MRM1: variants seen among roughly 807,000 people sequenced by gnomAD.
MRM1 encodes the protein mitochondrial rRNA methyltransferase 1.
Under a neutral mutation model 25.0 loss-of-function variants are expected in MRM1, and 24 were observed. That is an observed-to-expected ratio of 0.96 (90% confidence interval 0.69 to 1.35). The LOEUF (loss-of-function observed/expected upper bound fraction) is 1.35, where lower values mean the gene tolerates loss of function less well. Among genes scored for constraint, MRM1 ranks in the 40% most tolerant of loss-of-function variants. The pLI is 0.00. For missense variants in MRM1, 431 were observed against 464.1 expected (o/e 0.93, Z 0.65); for synonymous variants, 188 against 199.2 (o/e 0.94, Z 0.47).
At chr17:36,614,208 G>A in the MRM1 span, among the ~76,000 whole-genome samples, 1 of 152,042 alleles carries the variant, frequency 6.6e-6, no homozygotes, top group Non-Finnish European at 1.5e-5. Context: ...ATTACTGGTG[G>A]GGGCTGCGTA....
chr17:36,618,555 C>G, the MRM1 span, among the ~76,000 whole-genome samples: 1 of 151,964 alleles, frequency 6.6e-6, no homozygotes, highest in Non-Finnish European at 1.5e-5. Flanking sequence ...CTGGTGTGCT[C>G]TAGGCCAGCG....
chr17:36,608,881 C>G lies in MRM1; in HGVS notation c.*466C>G. 6.3e-6 allele frequency: 1 copy of G among 159,800 alleles called. No individual in the cohort carries two copies. The highest frequency in any genetic ancestry group is 1.8e-4 in the East Asian group (1 of 5,436). The allele number at this position is 159,800 out of a possible 1,614,324, so 9.9% of individuals were successfully genotyped here. On this transcript the variant is annotated 3_prime_UTR_variant, in exon 5 of 5. Coordinates refer to ENST00000614766, the MANE Select transcript of MRM1 (RefSeq NM_024864.5). Reference sequence around the variant, plus strand: ...CACGGCCCCGCCCTGGGGCCTTGAGCGCAGGCCTCATCTTTCTGTGCCGCG... The same window carrying G: ...CACGGCCCCGCCCTGGGGCCTTGAGGGCAGGCCTCATCTTTCTGTGCCGCG...
chr17:36,627,178 C>T, the MRM1 span, among the ~76,000 whole-genome samples: 5 of 152,140 alleles, frequency 3.3e-5, no homozygotes, highest in South Asian at 2.1e-4. Flanking sequence ...GGGGCTGGGA[C>T]GGGGAATGCA....
intron 4 of MRM1, 32 bp downstream of exon 4, chr17:36,608,050 C>T: frequency 6.2e-7 from 1 of 1,609,338 alleles, no homozygotes. Flanking sequence ...TTTCCTCTAT[C>T]CCTCTAATCA....
rs1246084959 is a variant in MRM1 at position 36,602,899 on chromosome 17, A to G, written c.636+253A>G. On this transcript the variant is annotated intron_variant, in intron 2 of 4. Transcript: ENST00000614766. This position sits in a 1 kb window ranked among gnomAD's most constrained non-coding sequence, Gnocchi z 4.1. ...TATGCACCACTTTGCCTCTTCTGTAAGTCAGCCTCAGTGTCTATTTGCCTA... is the reference window on the plus strand; with the variant it reads ...TATGCACCACTTTGCCTCTTCTGTAGGTCAGCCTCAGTGTCTATTTGCCTA... 1.0e-6 allele frequency: 1 copy of G among 981,560 alleles called. No homozygotes were observed. The highest frequency in any genetic ancestry group is 1.2e-6 in the Non-Finnish European group (1 of 826,594). 60.8% of individuals were successfully genotyped at this position (981,560 alleles called of 1,614,324 possible).
At chr17:36,625,981 C>T in the MRM1 span, among the ~76,000 whole-genome samples, 2 of 121,078 alleles carry the variant, frequency 1.7e-5, no homozygotes, top group East Asian at 2.1e-4. Flanking sequence ...GTTCCTCCAG[C>T]CATGCCCCCC....
At chr17:36,609,934 C>T (rs1002556998), downstream of MRM1, among the ~76,000 whole-genome samples, 7 of 151,454 alleles carry the variant, frequency 4.6e-5, no homozygotes, top group Middle Eastern at 3.4e-3. Context: ...GCCTATGCTC[C>T]TTTTTTTTTG....
At chr17:36,609,086 G>A (rs2074958056), downstream of MRM1, 1 of 152,288 alleles carries the variant, frequency 6.6e-6, no homozygotes, top group African/African-American at 2.4e-5. Flanking sequence ...GAGAGGCGAC[G>A]GGAAATTAGC....
At chr17:36,613,395 C>T (rs2074988639), downstream of MRM1, among the ~76,000 whole-genome samples, 1 of 152,156 alleles carries the variant, frequency 6.6e-6, no homozygotes, top group South Asian at 2.1e-4. Flanking sequence ...ATCTGCTAAT[C>T]CCTGATTAAT....
chr17:36,626,190 C>T, the MRM1 span, among the ~76,000 whole-genome samples: 4 of 152,312 alleles, frequency 2.6e-5, no homozygotes, highest in Non-Finnish European at 2.9e-5. Context: ...GCATCCTCAC[C>T]GCTGGACTTC....
the MRM1 span, among the ~76,000 whole-genome samples, chr17:36,628,294 T>C: frequency 1.3e-5 from 2 of 152,234 alleles, no homozygotes; most frequent in African/African-American, 4.8e-5. Context: ...GGCCAAAATG[T>C]ATGTTTTGGC....
At chr17:36,617,352 G>A in the MRM1 span, among the ~76,000 whole-genome samples, 4 of 151,638 alleles carry the variant, frequency 2.6e-5, no homozygotes, top group Admixed American at 2.6e-4. Flanking sequence ...TGATGCCCTT[G>A]GCATATGGTA....
chr17:36,628,783 G>A, the MRM1 span, among the ~76,000 whole-genome samples: 1 of 152,152 alleles, frequency 6.6e-6, no homozygotes, highest in African/African-American at 2.4e-5. Context: ...TACAGATGGG[G>A]AAAGTAAGGC....
At chr17:36,603,701 T>TA (rs1196827386) in intron 2 of MRM1, among the ~76,000 whole-genome samples, 1 of 152,202 alleles carries the variant, frequency 6.6e-6, no homozygotes, top group African/African-American at 2.4e-5. Context: ...ACCTGGCCTT[T>TA]AAAAAATATT....
At position 36,608,781 on chromosome 17, in the gene MRM1, A is replaced by C; in HGVS notation, c.*366A>C. 6.1e-6 allele frequency: 1 copy of C among 163,300 alleles called. No individual in the cohort carries two copies. The highest frequency in any genetic ancestry group is 1.3e-5 in the Non-Finnish European group (1 of 77,232). 10.1% of individuals were successfully genotyped at this position (163,300 alleles called of 1,614,324 possible). A position where few individuals can be genotyped will look rare whatever the true frequency, so the allele number is the denominator to read the frequency against. On this transcript the variant is annotated 3_prime_UTR_variant, in exon 5 of 5. Transcript: ENST00000614766. ...TTGAACCAGTCATTGCCTGTGGCAAATGTGTGTATGAGAATGTGGGGGGTG... is the reference window on the plus strand; with the variant it reads ...TTGAACCAGTCATTGCCTGTGGCAACTGTGTGTATGAGAATGTGGGGGGTG...
the MRM1 span, among the ~76,000 whole-genome samples, chr17:36,615,270 C>G: frequency 8.7e-3 from 1,326 of 152,290 alleles, 25 homozygotes; most frequent in African/African-American, 0.03. Context: ...CCCTTCTCCC[C>G]CTTCGGGCTC....
the MRM1 span, among the ~76,000 whole-genome samples, chr17:36,624,709 G>A: frequency 6.6e-6 from 1 of 152,156 alleles, no homozygotes; most frequent in Admixed American, 6.5e-5. The surrounding 1 kb of genome is among the most constrained non-coding windows in gnomAD (Gnocchi z 4.0). Context: ...TTTGGGGTCA[G>A]ACACACCCAG....
the MRM1 span, among the ~76,000 whole-genome samples, chr17:36,627,029 G>A: frequency 6.6e-6 from 1 of 152,202 alleles, no homozygotes; most frequent in South Asian, 2.1e-4. Context: ...GAAATGGTCA[G>A]GTGATGCGTA....
chr17:36,612,099 G>A (rs545573159), downstream of MRM1, among the ~76,000 whole-genome samples: 9 of 152,224 alleles, frequency 5.9e-5, no homozygotes, highest in South Asian at 1.9e-3. Context: ...TGGAGTAGGG[G>A]CTACTTAGGC....
Sources: allele counts gnomAD v4.1 joint callset (sites outside exome capture counted in the v4.1 genomes callset), GRCh38; gene constraint gnomAD v4.1.1; non-coding constraint Gnocchi (gnomAD v3.1); transcripts MANE v1.5; gene names NCBI Gene and HGNC (gene_info 2026-07-23, HGNC 2026-07-21).